The following OPA1 variants were observed in gnomAD, a reference collection of about 807,000 sequenced individuals.
OPA1 encodes the protein dynamin-like GTPase OPA1, mitochondrial.
Under a neutral mutation model 152.9 loss-of-function variants are expected in OPA1, and 59 were observed. That is an observed-to-expected ratio of 0.39 (90% CI 0.31 to 0.48). OPA1 has a LOEUF of 0.48. Ranked by LOEUF, OPA1 falls within the 20% of genes least tolerant of loss-of-function variation. The probability of loss-of-function intolerance (pLI) is 0.96; values close to 1 mark genes in which losing one functional copy is unlikely to be tolerated. For missense variants in OPA1, 1,008 were observed against 1,216.8 expected (o/e 0.83, Z 2.55); for synonymous variants, 400 against 389.9 (o/e 1.03, Z -0.31).
At position 193,694,762 on chromosome 3, in the gene OPA1, A is replaced by G. The variant is rs2109475962; in HGVS notation, c.*162A>G. On this transcript the variant is annotated 3_prime_UTR_variant, in exon 31 of 31. Coordinates refer to ENST00000361510, the MANE Select transcript of OPA1 (RefSeq NM_130837.3). ...GTATGTTACGGGCGCTTTAACCATC[A>G]GCTGCCTCTCGAATGGAAGAACAGT... The G allele has an allele frequency of 6.6e-6, 1 of 152,356 alleles. No individual in the cohort carries two copies. Among genetic ancestry groups the G allele is most frequent in the African/African-American group, 2.4e-5 (1 of 41,588 alleles). 9.4% of individuals were successfully genotyped at this position (152,356 alleles called of 1,614,324 possible).
At chr3:193,640,805 A>C (rs1733671837) in intron 11 of OPA1, among the ~76,000 whole-genome samples, 1 of 152,204 alleles carries the variant, frequency 6.6e-6, no homozygotes. Flanking sequence ...TGAAATTACC[A>C]AGAATTATGG....
chr3:193,632,716 T>C (rs1203428657), intron 8 of OPA1, among the ~76,000 whole-genome samples: 1 of 151,796 alleles, frequency 6.6e-6, no homozygotes, highest in Admixed American at 6.6e-5. Context: ...AAAAATTTTT[T>C]TAAAAATTAG....
chr3:193,659,042 G>A, intron 24 of OPA1, 47 bp downstream of exon 24: 2 of 1,239,986 alleles, frequency 1.6e-6, no homozygotes, highest in Non-Finnish European at 2.4e-6. Context: ...CAGTGGTGAA[G>A]GAGTCATCCA....
At chr3:193,675,473 C>T (rs1718798794) in intron 29 of OPA1, among the ~76,000 whole-genome samples, 1 of 152,072 alleles carries the variant, frequency 6.6e-6, no homozygotes, top group Admixed American at 6.5e-5. Context: ...ACACCATTTC[C>T]TCTCTCCTGG....
At chr3:193,652,096 A>G (rs759486061) in intron 21 of OPA1, among the ~76,000 whole-genome samples, 14 of 152,204 alleles carry the variant, frequency 9.2e-5, no homozygotes, top group Admixed American at 3.3e-4. Context: ...AACACAGAAT[A>G]TAGTCCAGGC....
rs994620168 is a variant in OPA1 at position 193,676,988 on chromosome 3, A to T, written c.2983+9708A>T. Among the ~76,000 whole-genome samples the T allele has an allele frequency of 1.9e-3, 293 of 150,972 alleles. 1 individual carries two copies. The highest frequency in any genetic ancestry group is 7.1e-3 in the South Asian group (34 of 4,800). On this transcript the variant is annotated intron_variant, in intron 29 of 30. Coordinates refer to ENST00000361510, the MANE Select transcript of OPA1 (RefSeq NM_130837.3). ...AGAGCAAGACTCGTCTCAAAAAAAA[A>T]AAAAAAAAAAAAAAAAGTCACTGTT...
At chr3:193,659,347 G>C in intron 24 of OPA1, 135 bp from the exon 25 acceptor site, 1 of 748,526 alleles carries the variant, frequency 1.3e-6, no homozygotes, top group Non-Finnish European at 2.3e-6. Context: ...CAGTCATGTG[G>C]GTTTTTTCCT....
At chr3:193,639,932 GGA>G (rs375066899) in intron 11 of OPA1, among the ~76,000 whole-genome samples, 2 of 151,680 alleles carry the variant, frequency 1.3e-5, no homozygotes, top group African/African-American at 2.4e-5. Context: ...AAAGCAATGG[GGA>G]GAGAGAGAGA....
chr3:193,643,158 G>A, intron 13 of OPA1, 109 bp downstream of exon 13: 1 of 967,060 alleles, frequency 1.0e-6, no homozygotes, highest in Non-Finnish European at 1.6e-6. Context: ...ATCTAGATAT[G>A]TAGAGCTTTT....
intron 5 of OPA1, among the ~76,000 whole-genome samples, chr3:193,618,207 G>A (rs551944654): frequency 6.6e-5 from 10 of 152,226 alleles, no homozygotes; most frequent in Non-Finnish European, 8.8e-5. Flanking sequence ...GGCCGGGCGC[G>A]GTGGCTCATG....
intron 1 of OPA1, among the ~76,000 whole-genome samples, chr3:193,611,845 C>CT (rs34521284): frequency 0.43 from 64,124 of 148,584 alleles, 13,824 homozygotes; most frequent in Non-Finnish European, 0.44. Flanking sequence ...CTTTTCTTTT[C>CT]TTTTTTTTTT....
In OPA1 at chr3:193,667,565, G is replaced by A. The variant is rs1320521169; in HGVS notation, c.2983+285G>A. 5 of 378,472 alleles carry A rather than the reference G, an allele frequency of 1.3e-5. No homozygotes were observed. The Admixed American group carries it at 1.8e-4, about 13-fold the overall frequency. 23.4% of individuals were successfully genotyped at this position (378,472 alleles called of 1,614,324 possible). A position where few individuals can be genotyped will look rare whatever the true frequency, so the allele number is the denominator to read the frequency against. ...GGGTGCCTATAGTCCCAGCTACTTG[G>A]GAGGCTGAGGCAGGAGAATGGTGTG... is the stretch of plus-strand genomic sequence containing the variant. On this transcript the variant is annotated intron_variant, in intron 29 of 30. Transcript: ENST00000361510.
chr3:193,667,408 C>T lies in OPA1; in HGVS notation c.2983+128C>T, dbSNP rs112787334. 3.5e-3 allele frequency: 2,446 copies of T among 706,988 alleles called. 40 individuals are homozygous for T. The African/African-American group carries it at 0.038, about 11-fold the overall frequency. 43.8% of individuals were successfully genotyped at this position (706,988 alleles called of 1,614,324 possible). A position where few individuals can be genotyped will look rare whatever the true frequency, so the allele number is the denominator to read the frequency against. On this transcript the variant is annotated intron_variant, in intron 29 of 30. Transcript: ENST00000361510. Reference sequence around the variant, plus strand: ...GAACTGGGCTGAGCACGGTGGCTCACGCTTGTAATCCCAGCACTTTGGGAG... The same window carrying T: ...GAACTGGGCTGAGCACGGTGGCTCATGCTTGTAATCCCAGCACTTTGGGAG...
chr3:193,659,447 G>A (rs1195102292), intron 24 of OPA1, 35 bp from the exon 25 acceptor site: 4 of 1,504,530 alleles, frequency 2.7e-6, no homozygotes, highest in Non-Finnish European at 3.7e-6. Context: ...GTGTGTAAGT[G>A]ATAAAATTCT....
At chr3:193,619,060 T>C (rs1021097854) in intron 6 of OPA1, 124 bp downstream of exon 6, 16 of 771,114 alleles carry the variant, frequency 2.1e-5, no homozygotes, top group Non-Finnish European at 3.4e-5. Flanking sequence ...CAAGTAGAGA[T>C]ATCGTTACTA....
At position 193,696,083 on chromosome 3, in the gene OPA1, C is replaced by T. The variant is rs1199883708; in HGVS notation, c.*1483C>T. ...AGGAGTGAATAGAAAGGGAGGAGAG[C>T]TCTATTATGTTCTATACACAGATTA... On this transcript the variant is annotated 3_prime_UTR_variant, in exon 31 of 31. Transcript: ENST00000361510. 6.6e-6 allele frequency: 1 copy of T among 152,152 alleles called. No individual in the cohort carries two copies. Among genetic ancestry groups the T allele is most frequent in the African/African-American group, 2.4e-5 (1 of 41,428 alleles). 9.4% of individuals were successfully genotyped at this position (152,152 alleles called of 1,614,324 possible).
chr3:193,647,062 T>C lies in OPA1; in HGVS notation c.1755-3T>C. The C allele has an allele frequency of 6.3e-7, 1 of 1,591,434 alleles. No homozygotes were observed. Among genetic ancestry groups the C allele is most frequent in the South Asian group, 1.1e-5 (1 of 90,384 alleles). On this transcript the variant is annotated splice_region_variant and splice_polypyrimidine_tract_variant and intron_variant, in intron 18 of 30. Coordinates refer to ENST00000361510, the MANE Select transcript of OPA1 (RefSeq NM_130837.3). Reference sequence around the variant, plus strand: ...TTTAGCTCTTGTTATTTTTTTTTAATAGGACAAGCATGCTAAAGGCACACC... The same window carrying C: ...TTTAGCTCTTGTTATTTTTTTTTAACAGGACAAGCATGCTAAAGGCACACC...
intron 16 of OPA1, among the ~76,000 whole-genome samples, chr3:193,644,429 C>T (rs972933780): frequency 6.6e-6 from 1 of 152,044 alleles, no homozygotes; most frequent in Non-Finnish European, 1.5e-5. Flanking sequence ...CCCTCATGTA[C>T]CAAAATTATT....
At chr3:193,693,633 C>T (rs994430099) in intron 30 of OPA1, among the ~76,000 whole-genome samples, 16 of 151,874 alleles carry the variant, frequency 1.1e-4, no homozygotes, top group Admixed American at 5.2e-4. Flanking sequence ...GAGCGAGACT[C>T]TTGTCTCAAA....
Sources: gnomAD v4.1 joint callset for allele counts (sites outside exome capture counted in the v4.1 genomes callset) on GRCh38, gnomAD v4.1.1 for gene constraint, MANE v1.5 for transcripts, NCBI Gene and HGNC (gene_info 2026-07-23, HGNC 2026-07-21) for gene names.